The following PLCH1 variants were observed in gnomAD, a reference collection of about 807,000 sequenced individuals.
The protein encoded by PLCH1 is phospholipase C eta 1, also known as 1-phosphatidylinositol 4,5-bisphosphate phosphodiesterase eta-1.
A neutral mutation model predicts 126.7 loss-of-function variants in PLCH1; 60 were observed. That is an observed-to-expected ratio of 0.47 (90% CI 0.38 to 0.59). The LOEUF (loss-of-function observed/expected upper bound fraction) is 0.59. PLCH1 is among the 20% of genes least tolerant of loss of function. The pLI is 0.00. For missense variants in PLCH1, 1,723 were observed against 2,040.0 expected (o/e 0.84, Z 2.99); for synonymous variants, 719 against 734.9 (o/e 0.98, Z 0.35).
intron 1 of PLCH1, among the ~76,000 whole-genome samples, chr3:155,708,490 G>A (rs1314404983): frequency 6.6e-6 from 1 of 152,186 alleles, no homozygotes; most frequent in African/African-American, 2.4e-5. Context: ...ACCTCTAGCT[G>A]GAAGATGATA....
At chr3:155,490,724 A>T in intron 19 of PLCH1, 60 bp downstream of exon 19, 4 of 929,446 alleles carry the variant, frequency 4.3e-6, no homozygotes, top group Admixed American at 3.8e-5. Flanking sequence ...CACTTTTTTT[A>T]GTGTAAATTC....
At chr3:155,686,381 TCC>T (rs1744941872) in intron 2 of PLCH1, among the ~76,000 whole-genome samples, 1 of 152,140 alleles carries the variant, frequency 6.6e-6, no homozygotes, top group South Asian at 2.1e-4. Flanking sequence ...GGGAGCAATA[TCC>T]CTTGTTCAAA....
intron 6 of PLCH1, among the ~76,000 whole-genome samples, chr3:155,581,749 CTT>C (rs55649426): frequency 6.4e-5 from 9 of 141,498 alleles, no homozygotes; most frequent in East Asian, 2.1e-4. Context: ...CTCTTTTTTC[CTT>C]TTTTTTTTTT....
intron 11 of PLCH1, among the ~76,000 whole-genome samples, chr3:155,523,338 G>A (rs964940230): frequency 3.3e-5 from 5 of 151,958 alleles, no homozygotes; most frequent in African/African-American, 1.2e-4. Flanking sequence ...CACACCAAGT[G>A]AGTAACAAAC....
chr3:155,477,007 A>G (rs538847910), downstream of PLCH1, among the ~76,000 whole-genome samples: 1 of 152,326 alleles, frequency 6.6e-6, no homozygotes, highest in South Asian at 2.1e-4. Flanking sequence ...ATTATATTAC[A>G]GAGCTATAGT....
intron 2 of PLCH1, among the ~76,000 whole-genome samples, chr3:155,650,899 A>G (rs1740632393): frequency 6.6e-6 from 1 of 152,124 alleles, no homozygotes; most frequent in Non-Finnish European, 1.5e-5. Context: ...TTAGCCATGC[A>G]TGGTGGCAGG....
At chr3:155,639,504 C>T (rs775839245) in intron 2 of PLCH1, among the ~76,000 whole-genome samples, 4 of 152,048 alleles carry the variant, frequency 2.6e-5, no homozygotes, top group African/African-American at 9.7e-5. Context: ...TCACAGTCCT[C>T]GGTACCAAAG....
chr3:155,684,306 T>C (rs1744771373), intron 2 of PLCH1, among the ~76,000 whole-genome samples: 1 of 152,060 alleles, frequency 6.6e-6, no homozygotes, highest in Admixed American at 6.6e-5. Context: ...TGATTCTAGA[T>C]TATTGAACAC....
chr3:155,530,082 T>C (rs999848237), intron 10 of PLCH1, among the ~76,000 whole-genome samples: 2 of 152,042 alleles, frequency 1.3e-5, no homozygotes, highest in African/African-American at 4.8e-5. Context: ...AAAAACTAAG[T>C]TTGCTCCATT....
At chr3:155,546,682 A>G (rs1212271397) in intron 10 of PLCH1, among the ~76,000 whole-genome samples, 1 of 151,526 alleles carries the variant, frequency 6.6e-6, no homozygotes, top group Non-Finnish European at 1.5e-5. Flanking sequence ...TACTGGTACC[A>G]AAACAGAGAT....
At chr3:155,679,262 TA>T (rs934864885) in intron 2 of PLCH1, among the ~76,000 whole-genome samples, 5 of 152,252 alleles carry the variant, frequency 3.3e-5, no homozygotes, top group Non-Finnish European at 7.3e-5. Context: ...CCTGTATTTT[TA>T]CTTGCTGTAA....
chr3:155,598,108 C>T (rs999011001), intron 2 of PLCH1, among the ~76,000 whole-genome samples: 9 of 151,880 alleles, frequency 5.9e-5, no homozygotes, highest in East Asian at 1.9e-4. Context: ...TGCTTGAACC[C>T]GGGAGAAGGA....
intron 2 of PLCH1, among the ~76,000 whole-genome samples, chr3:155,637,857 A>G (rs764388270): frequency 2.3e-4 from 35 of 152,224 alleles, no homozygotes; most frequent in African/African-American, 4.8e-4. Context: ...AATGTATTCA[A>G]AGTGGGCTCT....
chr3:155,477,972 C>A (rs1384490400), downstream of PLCH1, among the ~76,000 whole-genome samples: 2 of 152,124 alleles, frequency 1.3e-5, no homozygotes, highest in South Asian at 4.2e-4. Flanking sequence ...CACTGCTTAC[C>A]TTAGCTAAGA....
intron 2 of PLCH1, among the ~76,000 whole-genome samples, chr3:155,666,977 A>G (rs2108965049): frequency 6.6e-6 from 1 of 151,952 alleles, no homozygotes; most frequent in East Asian, 1.9e-4. Flanking sequence ...ATGTATTATT[A>G]GGACATATAT....
At chr3:155,731,705 G>A (rs1301103164) in intron 1 of PLCH1, among the ~76,000 whole-genome samples, 1 of 152,132 alleles carries the variant, frequency 6.6e-6, no homozygotes, top group African/African-American at 2.4e-5. Context: ...CAGGGCAGCC[G>A]GATGCTGTGG....
intron 10 of PLCH1, among the ~76,000 whole-genome samples, chr3:155,525,842 G>T (rs1721823583): frequency 6.6e-6 from 1 of 152,010 alleles, no homozygotes; most frequent in Non-Finnish European, 1.5e-5. Context: ...CAGCAAAAAA[G>T]TCTAAAAATA....
chr3:155,477,561 T>C (rs530941088), downstream of PLCH1, among the ~76,000 whole-genome samples: 3 of 152,094 alleles, frequency 2.0e-5, no homozygotes, highest in Non-Finnish European at 4.4e-5. Context: ...AAAAATCTAA[T>C]AATCTGATCA....
intron 21 of PLCH1, among the ~76,000 whole-genome samples, chr3:155,451,261 G>T (rs925088044): frequency 1.5e-4 from 21 of 144,638 alleles, no homozygotes; most frequent in Non-Finnish European, 2.2e-4. Context: ...TAATAGGTAA[G>T]GGTGTGATGA....
Sources: allele counts gnomAD v4.1 joint callset (sites outside exome capture counted in the v4.1 genomes callset), GRCh38; gene constraint gnomAD v4.1.1; transcripts MANE v1.5; gene names NCBI Gene and HGNC (gene_info 2026-07-23, HGNC 2026-07-21).